Variants in ARB2A observed in about 807,000 individuals in gnomAD.
ARB2A encodes cotranscriptional regulator ARB2A.
chr5:94,080,102 G>A, the ARB2A span, among the ~76,000 whole-genome samples: 2 of 152,056 alleles, frequency 1.3e-5, no homozygotes, highest in African/African-American at 4.8e-5. Context: ...TTCATAATAT[G>A]TAGCAGATAT....
At chr5:93,842,243 T>C in the ARB2A span, among the ~76,000 whole-genome samples, 1 of 152,238 alleles carries the variant, frequency 6.6e-6, no homozygotes, top group African/African-American at 2.4e-5. Context: ...AGCTGCAAGC[T>C]GCCTGCCTGT....
chr5:94,079,726 T>C, the ARB2A span, among the ~76,000 whole-genome samples: 1 of 152,226 alleles, frequency 6.6e-6, no homozygotes. Flanking sequence ...TATCTTAGTA[T>C]ATTTAGTTTG....
chr5:93,892,307 T>A, the ARB2A span, among the ~76,000 whole-genome samples: 1 of 152,198 alleles, frequency 6.6e-6, no homozygotes, highest in Non-Finnish European at 1.5e-5. Context: ...GCTTTAGATC[T>A]ATAGTGATAA....
At chr5:93,755,951 T>C in the ARB2A span, among the ~76,000 whole-genome samples, 4 of 152,182 alleles carry the variant, frequency 2.6e-5, no homozygotes, top group East Asian at 7.7e-4. Flanking sequence ...CTTTTACTTT[T>C]GCAGCTGGGA....
chr5:93,921,044 A>G, the ARB2A span, among the ~76,000 whole-genome samples: 3 of 152,106 alleles, frequency 2.0e-5, no homozygotes, highest in African/African-American at 4.8e-5. Context: ...AGCAAAAAAA[A>G]GTCATGACAT....
the ARB2A span, among the ~76,000 whole-genome samples, chr5:93,994,050 G>A: frequency 3.9e-5 from 6 of 152,036 alleles, no homozygotes; most frequent in Non-Finnish European, 7.4e-5. Context: ...AAGAACTGCT[G>A]TATACTGTTG....
At chr5:93,654,844 C>T in the ARB2A span, among the ~76,000 whole-genome samples, 2 of 152,174 alleles carry the variant, frequency 1.3e-5, no homozygotes, top group African/African-American at 2.4e-5. Flanking sequence ...AAGATACTGC[C>T]GATTACTTTC....
At chr5:93,903,709 CTGTG>C in the ARB2A span, among the ~76,000 whole-genome samples, 1,385 of 144,408 alleles carry the variant, frequency 9.6e-3, 9 homozygotes, top group Non-Finnish European at 0.012. Flanking sequence ...TTCTATATAT[CTGTG>C]TGTGTGTGTG....
the ARB2A span, among the ~76,000 whole-genome samples, chr5:94,021,011 T>C: frequency 6.6e-6 from 1 of 152,186 alleles, no homozygotes; most frequent in African/African-American, 2.4e-5. Context: ...CTGCATGTTC[T>C]GTACATGTAT....
chr5:94,099,283 T>C, the ARB2A span, among the ~76,000 whole-genome samples: 2 of 151,964 alleles, frequency 1.3e-5, no homozygotes, highest in African/African-American at 4.8e-5. Flanking sequence ...TCCACCATGA[T>C]AAAGGAGGCT....
chr5:93,802,878 T>C, the ARB2A span, among the ~76,000 whole-genome samples: 2 of 152,082 alleles, frequency 1.3e-5, no homozygotes, highest in Admixed American at 1.3e-4. Flanking sequence ...GCAAGACTAC[T>C]AAAATCTTTA....
chr5:93,816,772 A>T, the ARB2A span, among the ~76,000 whole-genome samples: 5 of 152,198 alleles, frequency 3.3e-5, no homozygotes, highest in Admixed American at 3.3e-4. Context: ...AAAAGGATAT[A>T]AACATTAAGG....
the ARB2A span, among the ~76,000 whole-genome samples, chr5:93,697,159 AT>A: frequency 6.7e-6 from 1 of 150,198 alleles, no homozygotes; most frequent in Non-Finnish European, 1.5e-5. Flanking sequence ...TAGCAAGTTT[AT>A]TTAGTGTTTA....
the ARB2A span, among the ~76,000 whole-genome samples, chr5:93,694,471 C>A: frequency 6.6e-6 from 1 of 152,236 alleles, no homozygotes; most frequent in African/African-American, 2.4e-5. Flanking sequence ...CCTAGGAATA[C>A]AACTGACAAG....
At chr5:93,658,447 CTA>C in the ARB2A span, among the ~76,000 whole-genome samples, 1 of 151,954 alleles carries the variant, frequency 6.6e-6, no homozygotes, top group Non-Finnish European at 1.5e-5. Context: ...CATTGTTAGT[CTA>C]TGTTTCTTTG....
chr5:93,949,720 T>A, the ARB2A span, among the ~76,000 whole-genome samples: 1 of 152,052 alleles, frequency 6.6e-6, no homozygotes, highest in Non-Finnish European at 1.5e-5. Flanking sequence ...TCTACTGTGC[T>A]CCAAATACAA....
At chr5:93,676,861 T>C in the ARB2A span, among the ~76,000 whole-genome samples, 1 of 152,188 alleles carries the variant, frequency 6.6e-6, no homozygotes, top group East Asian at 1.9e-4. Context: ...ACATTTTTGG[T>C]GCTCAATGAC....
the ARB2A span, among the ~76,000 whole-genome samples, chr5:93,850,799 T>A: frequency 6.6e-6 from 1 of 152,198 alleles, no homozygotes; most frequent in African/African-American, 2.4e-5. Context: ...CATTTTTTCA[T>A]ACTGTAACTA....
chr5:93,811,123 C>T, the ARB2A span, among the ~76,000 whole-genome samples: 11 of 151,932 alleles, frequency 7.2e-5, no homozygotes, highest in South Asian at 1.0e-3. Flanking sequence ...ACTGTTCCAG[C>T]GAGATATAAA....
Sources: gnomAD v4.1 joint callset for allele counts (sites outside exome capture counted in the v4.1 genomes callset) on GRCh38, gnomAD v4.1.1 for gene constraint, MANE v1.5 for transcripts, NCBI Gene and HGNC (gene_info 2026-07-23, HGNC 2026-07-21) for gene names.